EPHA3: variants seen among roughly 807,000 people sequenced by gnomAD.
EPHA3 encodes EPH receptor A3.
In EPHA3, 42 loss-of-function variants were observed where a neutral mutation model predicts 107.1. The ratio of observed to expected loss-of-function variants is 0.39; its 90% confidence interval spans 0.31 to 0.51. EPHA3 has a LOEUF of 0.51. Among genes scored for constraint, EPHA3 ranks in the 20% least tolerant of loss-of-function variants. The pLI is 0.78. For missense variants in EPHA3, 1,183 were observed against 1,211.2 expected (o/e 0.98, Z 0.35); for synonymous variants, 461 against 424.8 (o/e 1.09, Z -1.05).
chr3:89,154,950 T>C (rs1051677115), intron 2 of EPHA3, among the ~76,000 whole-genome samples: 4 of 149,454 alleles, frequency 2.7e-5, no homozygotes, highest in Non-Finnish European at 5.9e-5. Context: ...TTATAACCAT[T>C]AGAAACATAA....
intron 3 of EPHA3, among the ~76,000 whole-genome samples, chr3:89,337,137 C>T (rs1366459369): frequency 2.0e-5 from 3 of 152,022 alleles, no homozygotes; most frequent in African/African-American, 7.2e-5. Flanking sequence ...ATTAGCCTTT[C>T]TGTGATGTTT....
At chr3:89,229,146 T>C (rs894996692) in intron 3 of EPHA3, among the ~76,000 whole-genome samples, 1 of 151,992 alleles carries the variant, frequency 6.6e-6, no homozygotes, top group African/African-American at 2.4e-5. Context: ...TTTTAAAATG[T>C]GTTAAGAGTG....
chr3:89,478,033 T>C (rs1401520715), intron 16 of EPHA3, among the ~76,000 whole-genome samples: 7 of 152,196 alleles, frequency 4.6e-5, no homozygotes, highest in African/African-American at 1.4e-4. Flanking sequence ...TTGGGGAAGA[T>C]TTCATTAGAG....
intron 2 of EPHA3, among the ~76,000 whole-genome samples, chr3:89,176,066 G>A (rs1169656485): frequency 2.0e-5 from 3 of 151,924 alleles, no homozygotes; most frequent in Admixed American, 6.6e-5. Context: ...GTTTCTTTTA[G>A]CATTTTCCCA....
Position 89,395,872 on chromosome 3 carries a change from A to G in EPHA3, c.1342A>G (p.Thr448Ala). Reference sequence around the variant, plus strand: ...TGTCCTGACGATTAAGAAAGATCGGACCTCCAGAAATAGCATCTCTTTGTC... The same window carrying G: ...TGTCCTGACGATTAAGAAAGATCGGGCCTCCAGAAATAGCATCTCTTTGTC... ...SPVLTIKKDRTSRNSISLSWQ... is the reference protein window; with the variant it reads ...SPVLTIKKDRASRNSISLSWQ... Residue 448 changes from threonine (T) to alanine (A), a missense_variant, in exon 6 of 17, where the codon ACC becomes GCC. Thr to Ala is a moderately conservative substitution (Grantham distance 58). Coordinates refer to ENST00000336596, the MANE Select transcript of EPHA3 (RefSeq NM_005233.6). 1 of 1,613,956 alleles carries G rather than the reference A, an allele frequency of 6.2e-7. No individual in the cohort carries two copies. The highest frequency in any genetic ancestry group is 8.5e-7 in the Non-Finnish European group (1 of 1,179,962).
chr3:89,394,750 A>AG (rs1329031960), intron 5 of EPHA3, among the ~76,000 whole-genome samples: 2 of 152,252 alleles, frequency 1.3e-5, no homozygotes, highest in Non-Finnish European at 2.9e-5. Flanking sequence ...CCTTGATTTG[A>AG]GAAAAATCTA....
intron 5 of EPHA3, among the ~76,000 whole-genome samples, chr3:89,365,142 A>G (rs1708163544): frequency 6.6e-6 from 1 of 150,946 alleles, no homozygotes; most frequent in African/African-American, 2.4e-5. Flanking sequence ...TCTCTGTCTG[A>G]GAATAGAGAA....
chr3:89,311,838 A>G (rs560221041), intron 3 of EPHA3, among the ~76,000 whole-genome samples: 10 of 152,126 alleles, frequency 6.6e-5, no homozygotes, highest in Non-Finnish European at 1.5e-4. Flanking sequence ...CGGAGCTGGC[A>G]ATATAACTTG....
chr3:89,236,238 CA>C (rs1235843921), intron 3 of EPHA3, among the ~76,000 whole-genome samples: 2 of 151,698 alleles, frequency 1.3e-5, no homozygotes, highest in Non-Finnish European at 2.9e-5. Context: ...ATATACCCCC[CA>C]AAAAACCCTT....
intron 3 of EPHA3, among the ~76,000 whole-genome samples, chr3:89,293,292 C>T (rs1483922288): frequency 3.3e-5 from 5 of 151,862 alleles, no homozygotes; most frequent in Non-Finnish European, 7.4e-5. Flanking sequence ...ACTTTTTTCC[C>T]AGTCTGTATT....
At chr3:89,472,641 A>C in intron 16 of EPHA3, 22 bp downstream of exon 16, 1 of 1,600,172 alleles carries the variant, frequency 6.2e-7, no homozygotes, top group Non-Finnish European at 8.5e-7. Flanking sequence ...AAATTCATTA[A>C]GAAGAATGAA....
At chr3:89,466,480 G>A (rs575205492) in intron 15 of EPHA3, among the ~76,000 whole-genome samples, 2 of 131,752 alleles carry the variant, frequency 1.5e-5, no homozygotes, top group Admixed American at 7.4e-5. Flanking sequence ...AGCAATCAGC[G>A]AGACTCCGTG....
At chr3:89,351,176 C>G (rs890528920) in intron 5 of EPHA3, among the ~76,000 whole-genome samples, 3 of 151,314 alleles carry the variant, frequency 2.0e-5, no homozygotes, top group African/African-American at 7.3e-5. Context: ...CTTTGTTTAC[C>G]TAAGCAAGCC....
chr3:89,284,702 T>G (rs1399099986), intron 3 of EPHA3, among the ~76,000 whole-genome samples: 2 of 152,188 alleles, frequency 1.3e-5, no homozygotes, highest in South Asian at 4.1e-4. Flanking sequence ...ATTCAACTTA[T>G]TACCATAGCC....
In EPHA3 at chr3:89,398,026, A is replaced by C. The variant is rs529082090; in HGVS notation, c.1432-1292A>C. Among the ~76,000 whole-genome samples, 7 of 152,322 alleles carry C rather than the reference A, an allele frequency of 4.6e-5. No individual in the cohort carries two copies. In the South Asian group the frequency reaches 1.4e-3, roughly 32 times the overall value. On this transcript the variant is annotated intron_variant, in intron 6 of 16. Transcript: ENST00000336596. ...TACATATTTGCATCACATATACCTA[A>C]ATTTAAAAATTAATTCTAAATATTT...
intron 10 of EPHA3, among the ~76,000 whole-genome samples, chr3:89,418,384 G>A (rs1170621565): frequency 6.6e-6 from 1 of 151,274 alleles, no homozygotes; most frequent in African/African-American, 2.4e-5. Flanking sequence ...TGCTCTAAGT[G>A]AGCTCCAAAT....
intron 2 of EPHA3, among the ~76,000 whole-genome samples, chr3:89,209,281 GGT>G (rs2107179451): frequency 6.6e-6 from 1 of 152,098 alleles, no homozygotes; most frequent in African/African-American, 2.4e-5. Context: ...GAAGCTGTGG[GGT>G]GAGGAACATT....
intron 13 of EPHA3, among the ~76,000 whole-genome samples, chr3:89,434,545 C>T (rs559674382): frequency 6.6e-6 from 1 of 152,170 alleles, no homozygotes; most frequent in East Asian, 1.9e-4. Context: ...GTGAGAGCAT[C>T]TCTGTCCCCA....
intron 2 of EPHA3, among the ~76,000 whole-genome samples, chr3:89,165,407 A>G (rs1398103987): frequency 6.6e-6 from 1 of 152,228 alleles, no homozygotes; most frequent in Non-Finnish European, 1.5e-5. Context: ...ATTATTTTTA[A>G]TAAATGCAAT....
Sources: gnomAD v4.1 joint callset for allele counts (sites outside exome capture counted in the v4.1 genomes callset) on GRCh38, gnomAD v4.1.1 for gene constraint, MANE v1.5 for transcripts, NCBI Gene and HGNC (gene_info 2026-07-23, HGNC 2026-07-21) for gene names.